CCNL1: variants seen among roughly 807,000 people sequenced by gnomAD.
The protein encoded by CCNL1 is cyclin L1.
Under a neutral mutation model 60.6 loss-of-function variants are expected in CCNL1, and 13 were observed. The observed-to-expected ratio is 0.21, with a 90% CI of 0.14 to 0.34. CCNL1 has a LOEUF of 0.34. Among genes scored for constraint, CCNL1 ranks in the 10% least tolerant of loss-of-function variants. The pLI is 1.00. For missense variants in CCNL1, 481 were observed against 664.3 expected (o/e 0.72, Z 3.03); for synonymous variants, 270 against 244.3 (o/e 1.10, Z -0.98).
At chr3:157,159,213 T>TAAGAGGG in intron 2 of CCNL1, 192 bp downstream of exon 2, 1 of 649,720 alleles carries the variant, frequency 1.5e-6, no homozygotes, top group Non-Finnish European at 2.7e-6. Context: ...TACTTTTCGT[T>TAAGAGGG]AAGAGGGCAC....
intron 10 of CCNL1, chr3:157,148,953 T>C: frequency 3.0e-6 from 1 of 334,992 alleles, no homozygotes; most frequent in Non-Finnish European, 5.4e-6. Context: ...AATTTGATTA[T>C]TGGTTATTAA....
intron 2 of CCNL1, 126 bp downstream of exon 2, chr3:157,159,279 T>G (rs987967049): frequency 1.2e-5 from 10 of 807,278 alleles, no homozygotes; most frequent in Non-Finnish European, 1.8e-5. Flanking sequence ...TCCTGGCGAG[T>G]GAGAAGTAGG....
At chr3:157,151,178 A>T (rs1375894388) in intron 5 of CCNL1, 15 of 984,770 alleles carry the variant, frequency 1.5e-5, no homozygotes, top group Non-Finnish European at 1.7e-5. Flanking sequence ...TGCATTTTAT[A>T]AAAATAATGA....
intron 3 of CCNL1, 75 bp downstream of exon 3, chr3:157,158,791 A>G: frequency 1.1e-6 from 1 of 911,458 alleles, no homozygotes; most frequent in Non-Finnish European, 1.7e-6. Context: ...TTGAAAGGAA[A>G]GATGTTTTGA....
At chr3:157,151,482 T>C (rs1738189251) in intron 5 of CCNL1, 11 of 985,764 alleles carry the variant, frequency 1.1e-5, no homozygotes, top group Non-Finnish European at 1.3e-5. Context: ...TCTAATATTA[T>C]TACCCGCAAT....
intron 2 of CCNL1, 120 bp downstream of exon 2, chr3:157,159,285 G>A (rs1244266247): frequency 1.1e-5 from 9 of 846,208 alleles, no homozygotes; most frequent in Admixed American, 2.5e-5. Flanking sequence ...CGAGTGAGAA[G>A]TAGGTACAAA....
At chr3:157,145,466 C>CAAAAAAAAAAAAAAAAAAAAAAAAAA (rs1737755942), downstream of CCNL1, among the ~76,000 whole-genome samples, 9 of 88,978 alleles carry the variant, frequency 1.0e-4, no homozygotes, top group African/African-American at 3.7e-4. Flanking sequence ...AAAAAAAAAC[C>CAAAAAAAAAAAAAAAAAAAAAAAAAA]AAAACGGGAT....
At chr3:157,153,636 T>C (rs1426398856) in intron 3 of CCNL1, 1 of 152,854 alleles carries the variant, frequency 6.5e-6, no homozygotes, top group Admixed American at 6.5e-5. Context: ...ATTTGACTGG[T>C]AAAACAAACA....
intron 3 of CCNL1, among the ~76,000 whole-genome samples, chr3:157,157,727 T>C (rs1034135339): frequency 6.6e-6 from 1 of 152,228 alleles, no homozygotes; most frequent in Non-Finnish European, 1.5e-5. Context: ...AGAAAAAGTA[T>C]GTAGGAAAAC....
At chr3:157,149,260 T>C (rs769805432) in intron 10 of CCNL1, 27 bp downstream of exon 10, 13 of 1,517,756 alleles carry the variant, frequency 8.6e-6, no homozygotes, top group Admixed American at 1.7e-5. Flanking sequence ...CAAATAAGAC[T>C]GCTTCCCTAA....
chr3:157,149,475 G>A lies in CCNL1; in HGVS notation c.1133+10C>T, dbSNP rs766112049. The A allele has an allele frequency of 3.1e-6, 5 of 1,612,088 alleles. No individual in the cohort carries two copies. The South Asian group carries it at 3.3e-5, about 11-fold the overall frequency. ...TCCTCAAGCCAGTTTTCCAGCCCAA[G>A]TATACTCACCCATTGTAAGGGCTTT... is the stretch of plus-strand genomic sequence containing the variant. On this transcript the variant is annotated intron_variant, in intron 9 of 10. Transcript: ENST00000295926.
chr3:157,159,506 C>A (rs200036211), intron 1 of CCNL1, 27 bp from the exon 2 acceptor site: 68 of 1,602,306 alleles, frequency 4.2e-5, no homozygotes, highest in Non-Finnish European at 5.5e-5. Context: ...AGAACGGAAG[C>A]GCAGGGGTCA....
downstream of CCNL1, among the ~76,000 whole-genome samples, chr3:157,145,564 T>C (rs1737761671): frequency 6.8e-6 from 1 of 146,114 alleles, no homozygotes; most frequent in African/African-American, 2.6e-5. Context: ...AACCAAAACA[T>C]GAGACAGAGA....
intron 10 of CCNL1, 119 bp downstream of exon 10, chr3:157,149,168 T>C (rs1249197812): frequency 2.8e-5 from 21 of 743,330 alleles, no homozygotes; most frequent in South Asian, 5.3e-5. Context: ...ATTTGCCTCA[T>C]ACTAAAAGCC....
chr3:157,154,933 TATACATAC>T lies in CCNL1; in HGVS notation c.489-1785_489-1778del, dbSNP rs369407739. 8.5e-3 allele frequency among the ~76,000 whole-genome samples: 1,264 copies of T among 147,880 alleles called. 6 individuals carry two copies. Among genetic ancestry groups the T allele is most frequent in the African/African-American group, 0.014 (535 of 38,190 alleles). ...AACAACCTATCTCTCTCTCCATATA[TATACATAC>T]ATACATACATACATACATACATACA... On this transcript the variant is annotated intron_variant, in intron 3 of 10. Transcript: ENST00000295926.
chr3:157,150,316 C>G lies in CCNL1; in HGVS notation c.740G>C (p.Cys247Ser). The G allele has an allele frequency of 6.2e-7, 1 of 1,614,002 alleles. No homozygotes were observed. The highest frequency in any genetic ancestry group is 8.5e-7 in the Non-Finnish European group (1 of 1,179,918). ...FVRFQPETIA[C>S]ACIYLAARAL... is the part of the protein sequence containing the mutation. ...TCTAGCTGCAAGGTAGATGCAAGCA[C>G]ATGCTATAGTCTCTGGTTGAAATCG... Residue 247 changes from cysteine (C) to serine (S), a missense_variant, in exon 6 of 11, where the codon TGT (cysteine) becomes TCT (serine). This residue lies in a region of CCNL1 where 75 missense variants were observed against 129.6 expected (regional missense o/e 0.58). Transcript: ENST00000295926.
At chr3:157,143,606 T>C (rs1206724943), downstream of CCNL1, among the ~76,000 whole-genome samples, 1 of 152,190 alleles carries the variant, frequency 6.6e-6, no homozygotes, top group Non-Finnish European at 1.5e-5. Flanking sequence ...AGAGATTAAA[T>C]GATAAAGTAA....
At chr3:157,143,577 G>A (rs1051268418), downstream of CCNL1, among the ~76,000 whole-genome samples, 4 of 152,176 alleles carry the variant, frequency 2.6e-5, no homozygotes, top group African/African-American at 9.7e-5. Context: ...TCCCTTACGA[G>A]CTTACATTCT....
chr3:157,148,009 T>C lies in CCNL1; in HGVS notation c.*232A>G. The stretch of plus-strand genomic sequence containing the variant: ...TAAACAATACACAACTATAATAAAG[T>C]ACAATTGAACCTGACCATGGTTTTT... On this transcript the variant is annotated 3_prime_UTR_variant, in exon 11 of 11. Coordinates refer to ENST00000295926, the MANE Select transcript of CCNL1 (RefSeq NM_020307.4). 7.7e-7 allele frequency: 1 copy of C among 1,294,018 alleles called. No homozygotes were observed. The highest frequency in any genetic ancestry group is 9.8e-7 in the Non-Finnish European group (1 of 1,023,228). The allele number at this position is 1,294,018 out of a possible 1,614,324, so 80.2% of individuals were successfully genotyped here. A position where few individuals can be genotyped will look rare whatever the true frequency, so the allele number is the denominator to read the frequency against.
Sources: allele counts gnomAD v4.1 joint callset (sites outside exome capture counted in the v4.1 genomes callset), GRCh38; gene constraint gnomAD v4.1.1; regional missense constraint gnomAD v4.1.1; transcripts MANE v1.5; gene names NCBI Gene and HGNC (gene_info 2026-07-23, HGNC 2026-07-21).